GLI2: variants seen among roughly 807,000 people sequenced by gnomAD.
GLI2 encodes the protein GLI family zinc finger 2.
Under a neutral mutation model 78.9 loss-of-function variants are expected in GLI2, and 22 were observed. The ratio of observed to expected loss-of-function variants is 0.28; its 90% CI spans 0.20 to 0.40. The LOEUF (loss-of-function observed/expected upper bound fraction) is 0.40. GLI2 is among the 10% of genes least tolerant of loss of function. GLI2 has a pLI of 1.00. For synonymous variants in GLI2, 974 were observed against 963.7 expected (o/e 1.01, Z -0.20); for missense variants, 2,097 against 2,213.2 (o/e 0.95, Z 1.05).
chr2:120,804,585 T>A (rs1684857376), intron 2 of GLI2, among the ~76,000 whole-genome samples: 1 of 151,952 alleles, frequency 6.6e-6, no homozygotes. Context: ...GCCTTGGACC[T>A]GATGCACCCA....
chr2:120,810,432 G>C (rs575968682), intron 2 of GLI2, among the ~76,000 whole-genome samples: 1 of 152,308 alleles, frequency 6.6e-6, no homozygotes, highest in Admixed American at 6.5e-5. Context: ...CACCTCCCCT[G>C]TCCTGGCCTG....
intron 2 of GLI2, among the ~76,000 whole-genome samples, chr2:120,876,011 A>T (rs575684715): frequency 6.6e-6 from 1 of 152,270 alleles, no homozygotes; most frequent in East Asian, 1.9e-4. Flanking sequence ...TTGGTTATGG[A>T]GGGGAAAAGT....
chr2:120,949,155 G>A (rs1338456260), intron 3 of GLI2, among the ~76,000 whole-genome samples: 4 of 152,162 alleles, frequency 2.6e-5, no homozygotes, highest in Non-Finnish European at 5.9e-5. Flanking sequence ...GGGTGCATTA[G>A]TCTGGTCCCA....
intron 1 of GLI2, among the ~76,000 whole-genome samples, chr2:120,787,033 C>CACGG (rs1684016333): frequency 6.6e-6 from 1 of 152,184 alleles, no homozygotes; most frequent in South Asian, 2.1e-4. Context: ...CATAAAGGGA[C>CACGG]ACGGACACGT....
At chr2:120,775,682 C>T (rs1049090751) in intron 1 of GLI2, among the ~76,000 whole-genome samples, 18 of 152,186 alleles carry the variant, frequency 1.2e-4, no homozygotes, top group African/African-American at 4.3e-4. Flanking sequence ...TCCTCCAAGG[C>T]AGGGGAGCAG....
At chr2:120,767,972 C>G (rs1015228949) in intron 1 of GLI2, among the ~76,000 whole-genome samples, 1 of 152,184 alleles carries the variant, frequency 6.6e-6, no homozygotes, top group African/African-American at 2.4e-5. Flanking sequence ...TCACCCCCCA[C>G]CACAGTCAGT....
At chr2:120,947,796 G>A (rs1055958330) in intron 3 of GLI2, among the ~76,000 whole-genome samples, 6 of 152,214 alleles carry the variant, frequency 3.9e-5, no homozygotes, top group Non-Finnish European at 7.3e-5. Context: ...GACAGGCAGT[G>A]CCAGGTGCAG....
At chr2:120,906,139 G>T (rs563388402) in intron 2 of GLI2, among the ~76,000 whole-genome samples, 4 of 152,306 alleles carry the variant, frequency 2.6e-5, no homozygotes, top group East Asian at 1.9e-4. Context: ...GCAGCACGGT[G>T]CGGGGCAGGC....
chr2:120,971,438 C>G (rs1290445682), intron 7 of GLI2, among the ~76,000 whole-genome samples: 1 of 152,364 alleles, frequency 6.6e-6, no homozygotes, highest in South Asian at 2.1e-4. Flanking sequence ...AATGTCCTCC[C>G]TCTCCACCCC....
At chr2:120,815,054 C>G (rs1023383186) in intron 2 of GLI2, among the ~76,000 whole-genome samples, 1 of 152,114 alleles carries the variant, frequency 6.6e-6, no homozygotes, top group Non-Finnish European at 1.5e-5. Flanking sequence ...CCCAGCTAAG[C>G]CTTTTAGAAT....
chr2:120,776,628 G>A (rs1019402773), intron 1 of GLI2, among the ~76,000 whole-genome samples: 7 of 152,152 alleles, frequency 4.6e-5, no homozygotes, highest in African/African-American at 7.2e-5. Context: ...AATGCAGGGG[G>A]ACCTCACCAA....
chr2:120,929,384 T>C (rs1679843438), intron 3 of GLI2, among the ~76,000 whole-genome samples: 1 of 152,244 alleles, frequency 6.6e-6, no homozygotes, highest in African/African-American at 2.4e-5. Context: ...CATATTTTCA[T>C]CCGTTAACTT....
rs1006262356 is a variant in GLI2, at chr2:120,865,625, G to A, written c.149-61736G>A. ...GGTTGAGCTTTTTGTGTAAGTGACC[G>A]GGACAAACCTCTGATCCCTTTGCAA... On this transcript the variant is annotated intron_variant, in intron 2 of 13. Coordinates refer to ENST00000361492, the MANE Select transcript of GLI2 (RefSeq NM_001374353.1). Among the ~76,000 whole-genome samples, 6 of 152,288 alleles carry A rather than the reference G, an allele frequency of 3.9e-5. No individual in the cohort carries two copies. The South Asian group carries it at 1.0e-3, about 26-fold the overall frequency.
At chr2:120,781,943 A>C (rs1683861434) in intron 1 of GLI2, among the ~76,000 whole-genome samples, 1 of 151,978 alleles carries the variant, frequency 6.6e-6, no homozygotes, top group Admixed American at 6.6e-5. Context: ...TTATTCAAAC[A>C]CAAATTTTTT....
chr2:120,844,017 C>T (rs1245905068), intron 2 of GLI2, among the ~76,000 whole-genome samples: 1 of 152,180 alleles, frequency 6.6e-6, no homozygotes, highest in African/African-American at 2.4e-5. Context: ...CAGGACCCAT[C>T]TCTCACTGGG....
chr2:120,750,331 G>C (rs1682825630), intron 1 of GLI2, among the ~76,000 whole-genome samples: 1 of 152,254 alleles, frequency 6.6e-6, no homozygotes, highest in African/African-American at 2.4e-5. Context: ...TGGCCCCAGA[G>C]CCAGTGCTCC....
intron 1 of GLI2, among the ~76,000 whole-genome samples, chr2:120,769,363 G>C (rs1255298471): frequency 6.6e-6 from 1 of 152,234 alleles, no homozygotes; most frequent in African/African-American, 2.4e-5. Context: ...TTCTGCTGCA[G>C]GATGGGGGAT....
At chr2:120,931,623 G>A (rs1028381998) in intron 3 of GLI2, among the ~76,000 whole-genome samples, 5 of 152,210 alleles carry the variant, frequency 3.3e-5, no homozygotes, top group African/African-American at 1.2e-4. Context: ...GCATGGGTCT[G>A]CAGCAGGCCA....
At chr2:120,939,810 G>A (rs1680368722) in intron 3 of GLI2, among the ~76,000 whole-genome samples, 2 of 152,152 alleles carry the variant, frequency 1.3e-5, no homozygotes, top group African/African-American at 4.8e-5. Flanking sequence ...GAGTCACAGT[G>A]GATTCATGTT....
Sources: gnomAD v4.1 joint callset for allele counts (sites outside exome capture counted in the v4.1 genomes callset) on GRCh38, gnomAD v4.1.1 for gene constraint, MANE v1.5 for transcripts, NCBI Gene and HGNC (gene_info 2026-07-23, HGNC 2026-07-21) for gene names.